The following FRMD6 variants were observed in gnomAD, a reference collection of about 807,000 sequenced individuals.
The protein encoded by FRMD6 is FERM domain-containing protein 6.
In FRMD6, 37 loss-of-function variants were observed where a neutral mutation model predicts 73.2. That is an observed-to-expected ratio of 0.51 (90% CI 0.39 to 0.66). The LOEUF (loss-of-function observed/expected upper bound fraction) is 0.66. FRMD6 is among the 30% of genes least tolerant of loss of function. The probability of loss-of-function intolerance (pLI) is 0.00; values close to 1 mark genes in which losing one functional copy is unlikely to be tolerated. For synonymous variants in FRMD6, 273 were observed against 282.2 expected (o/e 0.97, Z 0.33); for missense variants, 714 against 780.5 (o/e 0.91, Z 1.02).
At chr14:51,654,795 G>A (rs1054408528) in intron 1 of FRMD6, among the ~76,000 whole-genome samples, 1 of 152,086 alleles carries the variant, frequency 6.6e-6, no homozygotes, top group Non-Finnish European at 1.5e-5. Context: ...AGTTGAGAAT[G>A]AGATTTCTTG....
chr14:51,679,554 T>C (rs996308955), intron 1 of FRMD6, among the ~76,000 whole-genome samples: 1 of 127,204 alleles, frequency 7.9e-6, no homozygotes, highest in Non-Finnish European at 1.7e-5. Context: ...TCATTTGTTT[T>C]CTTTTTTTTT....
At chr14:51,545,763 T>C (rs1886434339) in intron 1 of FRMD6, among the ~76,000 whole-genome samples, 1 of 152,176 alleles carries the variant, frequency 6.6e-6, no homozygotes, top group African/African-American at 2.4e-5. Flanking sequence ...CAGCCAACTC[T>C]CAACTGTTTA....
chr14:51,600,689 T>G (rs1297795430), intron 2 of FRMD6, among the ~76,000 whole-genome samples: 1 of 152,256 alleles, frequency 6.6e-6, no homozygotes, highest in African/African-American at 2.4e-5. Context: ...GAATTTATTT[T>G]TGGCCTTTTC....
Position 51,698,125 on chromosome 14 carries a change from G to T in FRMD6, c.100-17G>T. The T allele has an allele frequency of 1.3e-6, 2 of 1,591,714 alleles. No homozygotes were observed. The highest frequency in any genetic ancestry group is 1.3e-5 in the African/African-American group (1 of 74,518). Reference sequence around the variant, plus strand: ...TAGTTGAATTGTTATTTTACGTCGTGCCTTTTTCCCCTACAGGTTAAGATT... The same window carrying T: ...TAGTTGAATTGTTATTTTACGTCGTTCCTTTTTCCCCTACAGGTTAAGATT... On this transcript the variant is annotated splice_polypyrimidine_tract_variant and intron_variant, in intron 2 of 13. Transcript: ENST00000344768.
At chr14:51,428,478 A>G in the FRMD6 span, among the ~76,000 whole-genome samples, 1 of 152,334 alleles carries the variant, frequency 6.6e-6, no homozygotes, top group East Asian at 1.9e-4. Flanking sequence ...CCAGGTTACA[A>G]GTCTTCAGAT....
rs567968918 is a variant in FRMD6, at chr14:51,723,351, G to A, written c.1492+1271G>A. ...TGAGGGAAGCTGACCTGGACTTTGCGTTTATATATTTCTGCATTTAATTTT... is the reference window on the plus strand; with the variant it reads ...TGAGGGAAGCTGACCTGGACTTTGCATTTATATATTTCTGCATTTAATTTT... On this transcript the variant is annotated intron_variant, in intron 12 of 13. Transcript: ENST00000344768. Among the ~76,000 whole-genome samples the A allele has an allele frequency of 5.9e-5, 9 of 152,160 alleles. No individual in the cohort carries two copies. In the East Asian group the frequency reaches 1.2e-3, roughly 20 times the overall value.
the FRMD6 span, among the ~76,000 whole-genome samples, chr14:51,474,764 TG>T: frequency 6.6e-6 from 1 of 152,192 alleles, no homozygotes; most frequent in Non-Finnish European, 1.5e-5. Context: ...AGAAGGCCTT[TG>T]AACATGGGAG....
At chr14:51,721,775 G>GAGGGAAGGAAGGA (rs1680818823) in intron 11 of FRMD6, among the ~76,000 whole-genome samples, 174 bp from the exon 12 acceptor site, 1 of 150,200 alleles carries the variant, frequency 6.7e-6, no homozygotes, top group African/African-American at 2.4e-5. Context: ...AGGAGGGAAG[G>GAGGGAAGGAAGGA]AGTAAACAAG....
chr14:51,680,221 A>G (rs1727612946), intron 1 of FRMD6, among the ~76,000 whole-genome samples: 1 of 152,208 alleles, frequency 6.6e-6, no homozygotes. Flanking sequence ...GGGCAGCAGC[A>G]CAGGCCCAGG....
the FRMD6 span, among the ~76,000 whole-genome samples, chr14:51,435,318 A>G: frequency 1.3e-5 from 2 of 152,060 alleles, no homozygotes; most frequent in African/African-American, 4.8e-5. Context: ...GCTCATGCCT[A>G]TAATCCTAGC....
chr14:51,436,701 A>G, the FRMD6 span: 1 of 529,440 alleles, frequency 1.9e-6, no homozygotes, highest in South Asian at 1.9e-5. Flanking sequence ...GTCATCAAAG[A>G]TGATATTTGG....
At chr14:51,469,065 C>T in the FRMD6 span, among the ~76,000 whole-genome samples, 1 of 151,658 alleles carries the variant, frequency 6.6e-6, no homozygotes, top group Non-Finnish European at 1.5e-5. Flanking sequence ...CTCAGCCTCC[C>T]GAGTAGCTGG....
chr14:51,404,968 T>C, the FRMD6 span, among the ~76,000 whole-genome samples: 3 of 152,074 alleles, frequency 2.0e-5, no homozygotes, highest in African/African-American at 7.2e-5. Context: ...GTTGTTCTCT[T>C]CTTTGTGTCT....
chr14:51,670,275 G>T (rs1485235580), intron 1 of FRMD6, among the ~76,000 whole-genome samples: 1 of 151,964 alleles, frequency 6.6e-6, no homozygotes, highest in Non-Finnish European at 1.5e-5. Flanking sequence ...TGGAGATGGG[G>T]GTCTCACTAT....
chr14:51,496,536 C>T (rs987073937), intron 1 of FRMD6, among the ~76,000 whole-genome samples: 4 of 152,160 alleles, frequency 2.6e-5, no homozygotes, highest in Non-Finnish European at 4.4e-5. Context: ...TAGGACAGTG[C>T]AATGTTCTCA....
At chr14:51,493,497 C>T (rs1368467668) in intron 1 of FRMD6, among the ~76,000 whole-genome samples, 1 of 152,308 alleles carries the variant, frequency 6.6e-6, no homozygotes, top group African/African-American at 2.4e-5. Context: ...CACATGCTCT[C>T]TCTCTTCCCT....
chr14:51,524,474 G>A (rs1487722548), intron 1 of FRMD6, among the ~76,000 whole-genome samples: 1 of 151,270 alleles, frequency 6.6e-6, no homozygotes, highest in Non-Finnish European at 1.5e-5. Flanking sequence ...TTTCCATTCT[G>A]TACTATTCTC....
chr14:51,431,374 A>G, the FRMD6 span, among the ~76,000 whole-genome samples: 1 of 149,484 alleles, frequency 6.7e-6, no homozygotes, highest in African/African-American at 2.6e-5. Context: ...GCAAATTGAT[A>G]TGTTTTCAAC....
At chr14:51,588,502 A>C (rs1424386312) in intron 2 of FRMD6, among the ~76,000 whole-genome samples, 1 of 152,204 alleles carries the variant, frequency 6.6e-6, no homozygotes, top group African/African-American at 2.4e-5. Context: ...TTATAAATAC[A>C]AGGAGCAGAA....
Sources: allele counts gnomAD v4.1 joint callset (sites outside exome capture counted in the v4.1 genomes callset), GRCh38; gene constraint gnomAD v4.1.1; transcripts MANE v1.5; gene names NCBI Gene and HGNC (gene_info 2026-07-23, HGNC 2026-07-21).